ARHGEF9: variants seen among roughly 807,000 people sequenced by gnomAD.
ARHGEF9 encodes the protein rho guanine nucleotide exchange factor 9.
ARHGEF9 carries 2 observed loss-of-function variants against 41.3 expected under a neutral mutation model. That is an observed-to-expected ratio of 0.05 (90% confidence interval 0.02 to 0.15). The LOEUF is 0.15. ARHGEF9 is among the 10% of genes least tolerant of loss of function. ARHGEF9 has a pLI of 1.00. For synonymous variants in ARHGEF9, 160 were observed against 154.4 expected (o/e 1.04, Z -0.27); for missense variants, 225 against 424.7 (o/e 0.53, Z 4.13).
At chrX:63,639,502 T>C (rs2047491315) in intron 9 of ARHGEF9, 1 of 112,014 alleles carries the variant, frequency 8.9e-6, no homozygotes, top group Non-Finnish European at 1.9e-5. Context: ...AATAGTACAA[T>C]ATCACAGCCA....
intron 1 of ARHGEF9, among the ~76,000 whole-genome samples, chrX:63,765,384 G>A (rs1463025498): frequency 9.1e-6 from 1 of 109,486 alleles, no homozygotes; most frequent in African/African-American, 3.3e-5. Context: ...CAGTTAACAA[G>A]GATAAAAAAA....
chrX:63,767,083 C>A (rs1437484105), intron 1 of ARHGEF9: 3 of 1,007,258 alleles, frequency 3.0e-6, no homozygotes, highest in Non-Finnish European at 4.2e-6. Flanking sequence ...TTTAACAACC[C>A]TAAAGTTTAG....
chrX:63,772,229 A>G (rs1391439247), intron 1 of ARHGEF9, among the ~76,000 whole-genome samples: 1 of 111,679 alleles, frequency 9.0e-6, no homozygotes, highest in Admixed American at 9.5e-5. Context: ...ATGTCTCTGA[A>G]TTAATTCACC....
chrX:63,680,891 A>C (rs1569464453), intron 4 of ARHGEF9, among the ~76,000 whole-genome samples: 1 of 111,271 alleles, frequency 9.0e-6, no homozygotes, highest in Non-Finnish European at 1.9e-5. Flanking sequence ...CAACAACAAC[A>C]ACAAAAAACA....
At chrX:63,682,280 C>T (rs1218330518) in intron 4 of ARHGEF9, among the ~76,000 whole-genome samples, 4 of 110,935 alleles carry the variant, frequency 3.6e-5, no homozygotes, top group Admixed American at 9.5e-5. Flanking sequence ...TTTGGGAGGC[C>T]GAGGTGGGCA....
Position 63,635,278 on chromosome X carries a change from TAG to T in ARHGEF9, c.*2748_*2749del, listed in dbSNP as rs1395505645. 1.1e-5 allele frequency: 5 copies of T among 458,806 alleles called. No homozygotes were observed. Among genetic ancestry groups the T allele is most frequent in the Non-Finnish European group, 2.0e-5 (5 of 248,693 alleles). The allele number at this position is 458,806 out of a possible 1,213,427, so 37.8% of individuals were successfully genotyped here. On this transcript the variant is annotated 3_prime_UTR_variant, in exon 10 of 10. Transcript: ENST00000671741. ...TATAGATCCATTAGAAATATACACA[TAG>T]AGAGGGGGGGAAAAAGAGAGAATAA...
chrX:63,655,510 C>T lies in ARHGEF9; in HGVS notation c.1305G>A (p.Gln435=), dbSNP rs782643207. ...RAFREERKMV[Q]EDEKIGFEIS... is the part of the protein sequence containing the mutation. Reference sequence around the variant, plus strand: ...GTCACTTACCAATTTTTTCATCTTCCTGTACCATTTTCCTCTCTTCTCTGA... The same window carrying T: ...GTCACTTACCAATTTTTTCATCTTCTTGTACCATTTTCCTCTCTTCTCTGA... Residue 435 remains glutamine, a synonymous_variant, in exon 8 of 10, where the codon CAG becomes CAA. Transcript: ENST00000671741. 1.7e-6 allele frequency: 2 copies of T among 1,209,476 alleles called. No individual in the cohort carries two copies. Among genetic ancestry groups the T allele is most frequent in the African/African-American group, 3.5e-5 (2 of 57,177 alleles).
intron 8 of ARHGEF9, among the ~76,000 whole-genome samples, chrX:63,647,037 T>A (rs1470421309): frequency 9.0e-6 from 1 of 111,730 alleles, no homozygotes; most frequent in Admixed American, 9.5e-5. Flanking sequence ...TGTTTGTCTA[T>A]TATTGGTGTA....
rs11798780 is a variant in ARHGEF9 at position 63,771,229 on chromosome X, T to C, written c.30+13887A>G. Among the ~76,000 whole-genome samples, 45 of 112,219 alleles carry C rather than the reference T, an allele frequency of 4.0e-4. No individual in the cohort carries two copies. The South Asian group carries it at 6.7e-3, about 17-fold the overall frequency. ...ATGAATGTGAAGGATTATTATTACA[T>C]TGAAATAGTAAAGGCTATCATTAAT... On this transcript the variant is annotated intron_variant, in intron 1 of 9. Coordinates refer to ENST00000671741, the MANE Select transcript of ARHGEF9 (RefSeq NM_001353921.2).
chrX:63,724,007 C>A (rs1471331990), intron 2 of ARHGEF9, among the ~76,000 whole-genome samples: 1 of 112,024 alleles, frequency 8.9e-6, no homozygotes, highest in East Asian at 2.8e-4. Flanking sequence ...GGGCAGGGAG[C>A]TCACACTCTT....
chrX:63,763,054 G>T (rs1458410934), intron 1 of ARHGEF9, among the ~76,000 whole-genome samples: 2 of 111,911 alleles, frequency 1.8e-5, no homozygotes, highest in East Asian at 5.6e-4. Context: ...GTTTGTTATA[G>T]ATAAGGCTTC....
intron 2 of ARHGEF9, among the ~76,000 whole-genome samples, chrX:63,720,907 G>A (rs1253328223): frequency 3.3e-4 from 37 of 111,760 alleles, no homozygotes; most frequent in Non-Finnish European, 5.3e-4. Flanking sequence ...AGAAGATCTG[G>A]CCCCTCTGGG....
At chrX:63,719,037 A>G (rs782507020) in intron 2 of ARHGEF9, among the ~76,000 whole-genome samples, 1 of 112,380 alleles carries the variant, frequency 8.9e-6, no homozygotes, top group Non-Finnish European at 1.9e-5. Context: ...ATGTAATCCA[A>G]AAAATGTGCA....
At chrX:63,766,459 A>G (rs1377520906) in intron 1 of ARHGEF9, among the ~76,000 whole-genome samples, 1 of 111,870 alleles carries the variant, frequency 8.9e-6, no homozygotes, top group African/African-American at 3.3e-5. Flanking sequence ...TTTGCTACCA[A>G]TGCCTCTGTC....
rs1254978080 is a variant in ARHGEF9, at chrX:63,667,515, C to A, written c.946-1498G>T. 4.5e-5 allele frequency among the ~76,000 whole-genome samples: 5 copies of A among 110,953 alleles called. No homozygotes were observed. In the Admixed American group the frequency reaches 4.8e-4, roughly 11 times the overall value. On this transcript the variant is annotated intron_variant, in intron 6 of 9. Transcript: ENST00000671741. ...AGCCTTTCACCCAAAAGCTTCAAGG[C>A]AAGGTTAGAGATGGAGACCTTTATA... is the stretch of plus-strand genomic sequence containing the variant.
In ARHGEF9 at chrX:63,635,114, C is replaced by T. The variant is rs781875117; in HGVS notation, c.*2914G>A. The T allele has an allele frequency of 2.9e-6, 1 of 345,485 alleles. No individual in the cohort carries two copies. The highest frequency in any genetic ancestry group is 7.3e-5 in the South Asian group (1 of 13,770). 28.5% of individuals were successfully genotyped at this position (345,485 alleles called of 1,213,427 possible). On this transcript the variant is annotated 3_prime_UTR_variant, in exon 10 of 10. Transcript: ENST00000671741. The stretch of plus-strand genomic sequence containing the variant: ...CAGATAAAAGAAACAAAAGAATAAA[C>T]TGGCAAATGCAGAGCAGCAAGGGTA...
chrX:63,690,105 C>T (rs137911711), intron 4 of ARHGEF9, among the ~76,000 whole-genome samples: 19 of 111,339 alleles, frequency 1.7e-4, no homozygotes, highest in African/African-American at 4.9e-4. Flanking sequence ...AAGGCAAGAA[C>T]AAACCAAACC....
chrX:63,738,882 G>T (rs1360217581), intron 1 of ARHGEF9, among the ~76,000 whole-genome samples: 3 of 111,106 alleles, frequency 2.7e-5, no homozygotes, highest in African/African-American at 9.8e-5. Flanking sequence ...GCTCAGAATA[G>T]CAAAAACAAG....
intron 7 of ARHGEF9, among the ~76,000 whole-genome samples, chrX:63,660,209 C>T (rs2049132114): frequency 9.0e-6 from 1 of 111,654 alleles, no homozygotes; most frequent in Non-Finnish European, 1.9e-5. Context: ...TGCCACAAAG[C>T]CATCAAAATA....
Sources: gnomAD v4.1 joint callset for allele counts (sites outside exome capture counted in the v4.1 genomes callset) on GRCh38, gnomAD v4.1.1 for gene constraint, MANE v1.5 for transcripts, NCBI Gene and HGNC (gene_info 2026-07-23, HGNC 2026-07-21) for gene names.